Variants in SLC12A6 observed in about 807,000 individuals in gnomAD.
The protein encoded by SLC12A6 is solute carrier family 12 member 6.
Under a neutral mutation model 135.3 loss-of-function variants are expected in SLC12A6, and 66 were observed. The observed-to-expected ratio is 0.49, with a 90% confidence interval of 0.40 to 0.60. The LOEUF (loss-of-function observed/expected upper bound fraction) is 0.60, where lower values mean the gene tolerates loss of function less well. Among genes scored for constraint, SLC12A6 ranks in the 20% least tolerant of loss-of-function variants. The pLI is 0.00. For missense variants in SLC12A6, 1,058 were observed against 1,452.3 expected, an observed-to-expected ratio of 0.73 and a Z score of 4.41; for synonymous variants, 513 against 508.8, an observed-to-expected ratio of 1.01 and a Z score of -0.11.
At position 34,260,935 on chromosome 15, in the gene SLC12A6, T is replaced by C. The variant is rs1394099631; in HGVS notation, c.402A>G (p.Ala134=). 7.2e-7 allele frequency: 1 copy of C among 1,383,668 alleles called. No individual in the cohort carries two copies. Among genetic ancestry groups the C allele is most frequent in the East Asian group, 2.3e-5 (1 of 43,790 alleles). The allele number at this position is 1,383,668 out of a possible 1,614,324, so 85.7% of individuals were successfully genotyped here. A position where few individuals can be genotyped will look rare whatever the true frequency, so the allele number is the denominator to read the frequency against. Residue 134 remains alanine (A), a synonymous_variant, in exon 4 of 26, where the codon GCA becomes GCG. Coordinates refer to ENST00000354181, the MANE Select transcript of SLC12A6 (RefSeq NM_001365088.1). ...EGDEYFDKNL[A]LFEEEMDTRP... ...TTCTCCAAAATATTACCTCAAAGAG[T>C]GCCAAATTTTTATCAAAATATTCAT...
At chr15:34,278,295 C>T (rs1440262335) in intron 2 of SLC12A6, among the ~76,000 whole-genome samples, 2 of 151,502 alleles carry the variant, frequency 1.3e-5, no homozygotes, top group Admixed American at 6.6e-5. Context: ...GGCGTGGTGG[C>T]GTGCACCTGT....
At chr15:34,279,327 A>AAAAAC (rs886327028) in intron 2 of SLC12A6, among the ~76,000 whole-genome samples, 2 of 152,082 alleles carry the variant, frequency 1.3e-5, no homozygotes, top group African/African-American at 2.4e-5. Context: ...AAAACAAACA[A>AAAAAC]AAAACAAAAC....
chr15:34,247,283 C>T (rs777220350), intron 13 of SLC12A6, among the ~76,000 whole-genome samples: 5 of 151,932 alleles, frequency 3.3e-5, no homozygotes, highest in African/African-American at 7.3e-5. Context: ...TTTGGGAGGC[C>T]GAGGCGGGTG....
At chr15:34,317,662 C>T (rs984101428) in intron 2 of SLC12A6, among the ~76,000 whole-genome samples, 3 of 152,148 alleles carry the variant, frequency 2.0e-5, no homozygotes, top group Non-Finnish European at 4.4e-5. Flanking sequence ...GAGATCACCC[C>T]ACTGCATTCC....
intron 2 of SLC12A6, among the ~76,000 whole-genome samples, chr15:34,312,111 T>C (rs1458909744): frequency 1.3e-5 from 2 of 152,202 alleles, no homozygotes; most frequent in Non-Finnish European, 1.5e-5. Flanking sequence ...TTCTCTGTTT[T>C]ATCAGTGAAG....
chr15:34,233,611 T>C lies in SLC12A6; in HGVS notation c.*270A>G, dbSNP rs1891069610. ...TTCATTTATTGGCTCAGCTTGTTAATTCTAATTTGCCTTTGACTGCTCAGA... is the reference window on the plus strand; with the variant it reads ...TTCATTTATTGGCTCAGCTTGTTAACTCTAATTTGCCTTTGACTGCTCAGA... On this transcript the variant is annotated 3_prime_UTR_variant, in exon 26 of 26. Transcript: ENST00000354181. 5.1e-6 allele frequency: 2 copies of C among 391,344 alleles called. No individual in the cohort carries two copies. The highest frequency in any genetic ancestry group is 9.4e-5 in the East Asian group (2 of 21,290). 24.2% of individuals were successfully genotyped at this position (391,344 alleles called of 1,614,324 possible).
chr15:34,237,765 C>A (rs995371725), intron 21 of SLC12A6, among the ~76,000 whole-genome samples: 1 of 152,130 alleles, frequency 6.6e-6, no homozygotes, highest in Non-Finnish European at 1.5e-5. Context: ...AATTTCATAA[C>A]AAGAAAACAC....
intron 3 of SLC12A6, among the ~76,000 whole-genome samples, chr15:34,270,634 C>T (rs1454253979): frequency 6.6e-6 from 1 of 151,946 alleles, no homozygotes; most frequent in Non-Finnish European, 1.5e-5. Flanking sequence ...GAAACCCCGT[C>T]TCCACTGAAA....
chr15:34,279,353 AAAC>A (rs1894517397), intron 2 of SLC12A6, among the ~76,000 whole-genome samples: 1 of 152,038 alleles, frequency 6.6e-6, no homozygotes, highest in African/African-American at 2.4e-5. Flanking sequence ...AAAACAAAAA[AAAC>A]AAAGAACTAA....
intron 2 of SLC12A6, among the ~76,000 whole-genome samples, chr15:34,300,962 A>C (rs933679472): frequency 6.6e-6 from 1 of 152,074 alleles, no homozygotes; most frequent in Admixed American, 6.6e-5. Flanking sequence ...ACATTTATAA[A>C]ATGTTCAACA....
At chr15:34,326,858 CTTTTTTTT>C (rs397963192) in intron 2 of SLC12A6, among the ~76,000 whole-genome samples, 1,222 of 71,986 alleles carry the variant, frequency 0.017, 6 homozygotes, top group Middle Eastern at 0.078. Context: ...CAACTGGCTG[CTTTTTTTT>C]TTTTTTTTTT....
intron 2 of SLC12A6, among the ~76,000 whole-genome samples, chr15:34,303,533 T>A (rs1359361218): frequency 6.6e-6 from 1 of 152,108 alleles, no homozygotes; most frequent in African/African-American, 2.4e-5. Flanking sequence ...TTAAAAAAAA[T>A]ACATTTTGAA....
At chr15:34,244,176 T>C (rs1461679810) in intron 15 of SLC12A6, 104 bp from the exon 16 acceptor site, 7 of 759,326 alleles carry the variant, frequency 9.2e-6, no homozygotes, top group East Asian at 2.6e-5. Context: ...TCTAGACAAC[T>C]AACCCTTGAT....
chr15:34,284,277 C>CTTTTTTTTTTT (rs71415558), intron 2 of SLC12A6, among the ~76,000 whole-genome samples: 3 of 92,488 alleles, frequency 3.2e-5, no homozygotes, highest in Admixed American at 1.3e-4. Flanking sequence ...TGTTTCTTTT[C>CTTTTTTTTTTT]TTTTTTTTTT....
chr15:34,299,982 G>A (rs1896129828), intron 2 of SLC12A6, among the ~76,000 whole-genome samples: 1 of 152,128 alleles, frequency 6.6e-6, no homozygotes, highest in Admixed American at 6.6e-5. Context: ...CAGTGAAGAT[G>A]GAGAGAACGG....
rs569393735 is a variant in SLC12A6 at position 34,283,641 on chromosome 15, G to GT, written c.272-8253dup. ...GCTAAAGCATAGTGAGTAACAAAGT[G>GT]TTTTTTTTTTAAAGAGGGTAAATTA... On this transcript the variant is annotated intron_variant, in intron 2 of 25. Transcript: ENST00000354181. 8.3e-4 allele frequency among the ~76,000 whole-genome samples: 123 copies of GT among 147,984 alleles called. 1 individual carries two copies. The highest frequency in any genetic ancestry group is 5.6e-3 in the South Asian group (26 of 4,640).
intron 3 of SLC12A6, 74 bp downstream of exon 3, chr15:34,275,271 G>A (rs1894220212): frequency 2.6e-6 from 2 of 771,238 alleles, no homozygotes; most frequent in African/African-American, 3.4e-5. Flanking sequence ...AATCAGAGAA[G>A]GGAGTAATGT....
intron 2 of SLC12A6, among the ~76,000 whole-genome samples, chr15:34,324,289 A>G (rs1464657643): frequency 1.3e-5 from 2 of 152,226 alleles, no homozygotes; most frequent in Non-Finnish European, 2.9e-5. Flanking sequence ...TTACATTTGT[A>G]TACTTTAAAA....
chr15:34,284,971 A>C (rs1272246067), intron 2 of SLC12A6, among the ~76,000 whole-genome samples: 1 of 152,256 alleles, frequency 6.6e-6, no homozygotes, highest in Non-Finnish European at 1.5e-5. Context: ...GGCAGCAAGG[A>C]GACCGGATTA....
Sources: allele counts gnomAD v4.1 joint callset (sites outside exome capture counted in the v4.1 genomes callset), GRCh38; gene constraint gnomAD v4.1.1; transcripts MANE v1.5; gene names NCBI Gene and HGNC (gene_info 2026-07-23, HGNC 2026-07-21).